KATNAL2: variants seen among roughly 807,000 people sequenced by gnomAD.
The protein encoded by KATNAL2 is katanin catalytic subunit A1 like 2, also known as katanin p60 ATPase-containing subunit A-like 2.
In KATNAL2, 52 loss-of-function variants were observed where a neutral mutation model predicts 76.3. The ratio of observed to expected loss-of-function variants is 0.68; its 90% CI spans 0.55 to 0.86. The LOEUF is 0.86. Among genes scored for constraint, KATNAL2 ranks in the 40% least tolerant of loss-of-function variants. The probability of loss-of-function intolerance (pLI) is 0.00; values close to 1 mark genes in which losing one functional copy is unlikely to be tolerated. For missense variants in KATNAL2, 660 were observed against 668.9 expected, an observed-to-expected ratio of 0.99 and a Z score of 0.15; for synonymous variants, 243 against 244.2, an observed-to-expected ratio of 1.00 and a Z score of 0.05.
At chr18:47,051,219 C>T (rs909618755) in intron 4 of KATNAL2, among the ~76,000 whole-genome samples, 4 of 151,992 alleles carry the variant, frequency 2.6e-5, no homozygotes, top group Non-Finnish European at 4.4e-5. Context: ...TGAGACCAGA[C>T]GTTCGGGACC....
intron 13 of KATNAL2, among the ~76,000 whole-genome samples, 180 bp from the exon 14 acceptor site, chr18:47,075,097 C>T (rs1408630783): frequency 6.6e-6 from 1 of 152,186 alleles, no homozygotes; most frequent in African/African-American, 2.4e-5. Flanking sequence ...ATAATCGGAC[C>T]ATCCAACCCC....
intron 14 of KATNAL2, chr18:47,076,624 G>GACTC (rs2062237399): frequency 6.6e-6 from 1 of 152,054 alleles, no homozygotes; most frequent in Non-Finnish European, 1.5e-5. Flanking sequence ...TGGGATCAAA[G>GACTC]ACTCCAAAAT....
intron 15 of KATNAL2, among the ~76,000 whole-genome samples, chr18:47,097,299 A>T (rs997203007): frequency 6.6e-6 from 1 of 152,162 alleles, no homozygotes; most frequent in Non-Finnish European, 1.5e-5. Context: ...TACACAGAAT[A>T]CTTACTACTT....
intron 3 of KATNAL2, chr18:47,034,253 C>T (rs1214187884): frequency 6.2e-7 from 1 of 1,613,884 alleles, no homozygotes; most frequent in East Asian, 2.2e-5. Context: ...GAAAGCTGCT[C>T]TTTCTCCTCG....
At chr18:46,931,801 A>T (rs758489575) in intron 1 of KATNAL2, among the ~76,000 whole-genome samples, 10 of 152,176 alleles carry the variant, frequency 6.6e-5, no homozygotes, top group Admixed American at 5.2e-4. Context: ...AAAATAATTA[A>T]ATGGAAAAAA....
At chr18:46,946,763 G>C in intron 2 of KATNAL2, 91 bp from the exon 3 acceptor site, 1 of 1,272,204 alleles carries the variant, frequency 7.9e-7, no homozygotes, top group Non-Finnish European at 1.1e-6. Flanking sequence ...CTGGGCTCTA[G>C]CCAATCCGGA....
intron 6 of KATNAL2, among the ~76,000 whole-genome samples, chr18:47,057,896 T>C (rs189214154): frequency 6.6e-6 from 1 of 152,252 alleles, no homozygotes; most frequent in East Asian, 1.9e-4. Flanking sequence ...TTAAGGAAGG[T>C]GGAAGGAACA....
At chr18:47,034,403 C>T in intron 3 of KATNAL2, 1 of 1,614,076 alleles carries the variant, frequency 6.2e-7, no homozygotes, top group Non-Finnish European at 8.5e-7. Context: ...CCGCTGCCAG[C>T]TTGCCCCCCT....
intron 15 of KATNAL2, among the ~76,000 whole-genome samples, chr18:47,085,480 G>A (rs1047001402): frequency 1.3e-5 from 2 of 152,148 alleles, no homozygotes; most frequent in Admixed American, 6.5e-5. Context: ...GCCTGAAGTC[G>A]TTAACTTCCC....
At chr18:46,931,281 C>T (rs1599334446) in intron 1 of KATNAL2, among the ~76,000 whole-genome samples, 1 of 150,782 alleles carries the variant, frequency 6.6e-6, no homozygotes, top group Non-Finnish European at 1.5e-5. Flanking sequence ...GCCTGGGCAA[C>T]AGAGTGAGAT....
At position 47,102,233 on chromosome 18, in the gene KATNAL2, A is replaced by G. The variant is rs1232986302; in HGVS notation, c.*1228A>G. 7.2e-5 allele frequency: 11 copies of G among 152,222 alleles called. No homozygotes were observed. Among genetic ancestry groups the G allele is most frequent in the Admixed American group, 7.2e-4 (11 of 15,288 alleles). The allele number at this position is 152,222 out of a possible 1,614,324, so 9.4% of individuals were successfully genotyped here. ...ATTTAACAAATTGAAAATAAAAAAGATTTCATCTCAGTACATGCTTAAACT... is the reference window on the plus strand; with the variant it reads ...ATTTAACAAATTGAAAATAAAAAAGGTTTCATCTCAGTACATGCTTAAACT... On this transcript the variant is annotated 3_prime_UTR_variant, in exon 18 of 18. Transcript: ENST00000683218.
intron 15 of KATNAL2, among the ~76,000 whole-genome samples, chr18:47,097,730 A>G (rs1030039303): frequency 1.3e-5 from 2 of 152,162 alleles, no homozygotes; most frequent in African/African-American, 4.8e-5. Flanking sequence ...GGAGTATTTT[A>G]TTTTTTAACT....
intron 3 of KATNAL2, among the ~76,000 whole-genome samples, chr18:47,044,989 T>G (rs1051894485): frequency 1.2e-4 from 18 of 151,848 alleles, no homozygotes; most frequent in Non-Finnish European, 2.2e-4. Context: ...TCCCAGCTAC[T>G]GAGGAGACTG....
In KATNAL2 at chr18:47,101,100, G is replaced by C; in HGVS notation, c.*95G>C. 1 of 1,411,298 alleles carries C rather than the reference G, an allele frequency of 7.1e-7. No individual in the cohort carries two copies. Among genetic ancestry groups the C allele is most frequent in the Non-Finnish European group, 9.8e-7 (1 of 1,021,594 alleles). The allele number at this position is 1,411,298 out of a possible 1,614,324, so 87.4% of individuals were successfully genotyped here. A position where few individuals can be genotyped will look rare whatever the true frequency, so the allele number is the denominator to read the frequency against. ...AGAACAAAATGATTGGAATGGAAAA[G>C]AGAAAATTATTTTTGAAGACTGGAT... On this transcript the variant is annotated 3_prime_UTR_variant, in exon 18 of 18. Transcript: ENST00000683218.
chr18:47,081,306 A>G (rs2062508939), intron 15 of KATNAL2, among the ~76,000 whole-genome samples: 1 of 152,228 alleles, frequency 6.6e-6, no homozygotes, highest in African/African-American at 2.4e-5. Context: ...TGTGAGGCAC[A>G]TGCATACTTT....
intron 4 of KATNAL2, among the ~76,000 whole-genome samples, chr18:47,049,789 A>G (rs1324803060): frequency 6.6e-6 from 1 of 152,174 alleles, no homozygotes; most frequent in African/African-American, 2.4e-5. Flanking sequence ...ATCATGGCTC[A>G]CTGCAGCCTC....
chr18:47,043,460 G>T (rs990057514), intron 3 of KATNAL2, among the ~76,000 whole-genome samples: 3 of 152,148 alleles, frequency 2.0e-5, no homozygotes, highest in Non-Finnish European at 2.9e-5. Flanking sequence ...AATTTACGAA[G>T]AAAAGAGGTT....
At chr18:47,078,262 C>T (rs1351629402) in intron 15 of KATNAL2, among the ~76,000 whole-genome samples, 1 of 152,022 alleles carries the variant, frequency 6.6e-6, no homozygotes, top group Non-Finnish European at 1.5e-5. Context: ...GCTCTACATT[C>T]AAAGATGAAA....
intron 15 of KATNAL2, among the ~76,000 whole-genome samples, chr18:47,081,811 A>G (rs1004534522): frequency 1.3e-5 from 2 of 152,208 alleles, no homozygotes; most frequent in Non-Finnish European, 2.9e-5. Flanking sequence ...CCACTTATTC[A>G]TGAAGCCCTT....
Sources: allele counts gnomAD v4.1 joint callset (sites outside exome capture counted in the v4.1 genomes callset), GRCh38; gene constraint gnomAD v4.1.1; transcripts MANE v1.5; gene names NCBI Gene and HGNC (gene_info 2026-07-23, HGNC 2026-07-21).